Variants in SLC17A6 observed in about 807,000 individuals in gnomAD.
SLC17A6 encodes solute carrier family 17 member 6, also known as vesicular glutamate transporter 2.
SLC17A6 carries 35 observed loss-of-function variants against 67.1 expected under a neutral mutation model. That is an observed-to-expected ratio of 0.52 (90% CI 0.40 to 0.69). The LOEUF (loss-of-function observed/expected upper bound fraction) is 0.69. Ranked by LOEUF, SLC17A6 falls within the 30% of genes least tolerant of loss-of-function variation. The pLI is 0.00. For missense variants in SLC17A6, 588 were observed against 723.9 expected, an observed-to-expected ratio of 0.81 and a Z score of 2.15; for synonymous variants, 285 against 252.3, an observed-to-expected ratio of 1.13 and a Z score of -1.23.
chr11:22,352,405 T>C (rs79330667), intron 3 of SLC17A6, among the ~76,000 whole-genome samples: 4,004 of 152,338 alleles, frequency 0.026, 75 homozygotes, highest in Non-Finnish European at 0.042. Flanking sequence ...AGTCTGTCCC[T>C]ATTAAAAGCT....
rs368833975 is a variant in SLC17A6, at chr11:22,343,208, T to C, written c.340-39T>C. On this transcript the variant is annotated intron_variant, in intron 2 of 11. Transcript: ENST00000263160. Reference sequence around the variant, plus strand: ...GAAAGTGAGCCTTTGGTACTGACTCTACTCTTTCCCTTCACACTTTTTTCC... The same window carrying C: ...GAAAGTGAGCCTTTGGTACTGACTCCACTCTTTCCCTTCACACTTTTTTCC... 5 of 1,535,246 alleles carry C rather than the reference T, an allele frequency of 3.3e-6. No individual in the cohort carries two copies. The African/African-American group carries it at 6.8e-5, about 21-fold the overall frequency.
intron 3 of SLC17A6, among the ~76,000 whole-genome samples, chr11:22,346,520 G>A (rs911800430): frequency 6.6e-6 from 1 of 152,078 alleles, no homozygotes; most frequent in Non-Finnish European, 1.5e-5. Context: ...CCCTTAAAGA[G>A]CTATTGCACA....
At chr11:22,358,735 T>C (rs2133868636) in intron 3 of SLC17A6, among the ~76,000 whole-genome samples, 1 of 152,270 alleles carries the variant, frequency 6.6e-6, no homozygotes, top group Admixed American at 6.5e-5. Context: ...CTTGAATGGT[T>C]GTATGTAGGC....
chr11:22,362,125 A>T (rs2133870658), intron 5 of SLC17A6: 1 of 246,436 alleles, frequency 4.1e-6, no homozygotes, highest in East Asian at 1.3e-4. Context: ...AATGCTACCT[A>T]TTATCATGAG....
At chr11:22,350,718 A>G (rs1855928327) in intron 3 of SLC17A6, among the ~76,000 whole-genome samples, 1 of 152,162 alleles carries the variant, frequency 6.6e-6, no homozygotes, top group Admixed American at 6.6e-5. Context: ...TCACACCAGA[A>G]GTGGGTTTTA....
Position 22,365,567 on chromosome 11 carries a change from T to A in SLC17A6, c.769T>A (p.Tyr257Asn), listed in dbSNP as rs1448000417. 3.7e-6 allele frequency: 6 copies of A among 1,613,902 alleles called. No individual in the cohort carries two copies. Among genetic ancestry groups the A allele is most frequent in the Non-Finnish European group, 5.1e-6 (6 of 1,179,902 alleles). The change falls in exon 7 of 12, where the codon TAC (tyrosine) becomes AAC (asparagine). Residue 257 changes from tyrosine to asparagine, a missense_variant. Transcript: ENST00000263160. ...TGCAGGAAGCTTTGGAATGGTCTGG[T>A]ACATGTTTTGGCTTTTGGTGTCTTA... Reference protein sequence around the residue: ...YVYGSFGMVWYMFWLLVSYES... With the variant: ...YVYGSFGMVWNMFWLLVSYES...
chr11:22,355,775 G>A (rs1201618598), intron 3 of SLC17A6, among the ~76,000 whole-genome samples: 1 of 152,144 alleles, frequency 6.6e-6, no homozygotes, highest in Non-Finnish European at 1.5e-5. Flanking sequence ...CATTTGTGAA[G>A]CTTTGCTGAG....
chr11:22,374,891 A>G lies in SLC17A6; in HGVS notation c.1174+4A>G. ...AGAAAGATCATGAATTGTGGTGGTAAGTACATAAGTGGCACTAAGGACATG... is the reference window on the plus strand; with the variant it reads ...AGAAAGATCATGAATTGTGGTGGTAGGTACATAAGTGGCACTAAGGACATG... On this transcript the variant is annotated splice_donor_region_variant and intron_variant, in intron 9 of 11. Coordinates refer to ENST00000263160, the MANE Select transcript of SLC17A6 (RefSeq NM_020346.3). 1 of 1,609,466 alleles carries G rather than the reference A, an allele frequency of 6.2e-7. No individual in the cohort carries two copies. Among genetic ancestry groups the G allele is most frequent in the Non-Finnish European group, 8.5e-7 (1 of 1,178,466 alleles).
rs60420630 is a variant in SLC17A6 at position 22,339,180 on chromosome 11, T to TA, written c.86+561_86+562insA. On this transcript the variant is annotated intron_variant, in intron 1 of 11. Transcript: ENST00000263160. ...ATATATATATGTTATATATATATGT[T>TA]TTATATATATATATATATATATATG... Among the ~76,000 whole-genome samples, 13 of 32,138 alleles carry TA rather than the reference T, an allele frequency of 4.0e-4. 1 individual carries two copies. The East Asian group carries it at 0.017, about 41-fold the overall frequency. 21.1% of individuals were successfully genotyped at this position (32,138 alleles called of 152,430 possible).
chr11:22,340,330 T>C (rs1374566939), intron 1 of SLC17A6, among the ~76,000 whole-genome samples: 3 of 152,276 alleles, frequency 2.0e-5, no homozygotes, highest in Admixed American at 6.5e-5. Flanking sequence ...TGTTACCTTA[T>C]ACATTCCTTT....
chr11:22,362,348 G>T, intron 5 of SLC17A6: 1 of 336,944 alleles, frequency 3.0e-6, no homozygotes. Flanking sequence ...ACATGAAACT[G>T]CACGAATTTG....
At chr11:22,364,699 G>A (rs368889308) in intron 6 of SLC17A6, among the ~76,000 whole-genome samples, 12 of 152,156 alleles carry the variant, frequency 7.9e-5, no homozygotes, top group African/African-American at 2.9e-4. Flanking sequence ...TTACCCAAGG[G>A]ACAAACAGAA....
intron 1 of SLC17A6, among the ~76,000 whole-genome samples, chr11:22,340,446 C>G (rs560793360): frequency 4.6e-5 from 7 of 152,280 alleles, no homozygotes; most frequent in Non-Finnish European, 7.4e-5. Context: ...TTTCATTTGT[C>G]CCTTCTCCCA....
chr11:22,344,091 C>T (rs1321268126), intron 3 of SLC17A6, among the ~76,000 whole-genome samples: 1 of 152,096 alleles, frequency 6.6e-6, no homozygotes, highest in East Asian at 1.9e-4. Flanking sequence ...GCTTGGCCAC[C>T]AGAAGGTGAG....
chr11:22,339,622 A>G (rs1470737892), intron 1 of SLC17A6, among the ~76,000 whole-genome samples: 1 of 152,222 alleles, frequency 6.6e-6, no homozygotes, highest in Non-Finnish European at 1.5e-5. Flanking sequence ...ATAAAAGGAA[A>G]AAGAATTACA....
chr11:22,339,168 A>T (rs866705272), intron 1 of SLC17A6, among the ~76,000 whole-genome samples: 1,797 of 58,838 alleles, frequency 0.031, 199 homozygotes, highest in Non-Finnish European at 0.033. Flanking sequence ...TATATATGTT[A>T]TATATATATG....
At chr11:22,374,257 T>C (rs1393603885) in intron 8 of SLC17A6, among the ~76,000 whole-genome samples, 1 of 152,180 alleles carries the variant, frequency 6.6e-6, no homozygotes, top group Non-Finnish European at 1.5e-5. Flanking sequence ...GAAGAAATTA[T>C]CTGCATTACC....
rs1054415099 is a variant in SLC17A6, at chr11:22,343,168, G to C, written c.340-79G>C. On this transcript the variant is annotated intron_variant, in intron 2 of 11. Transcript: ENST00000263160. ...AGCGCCCAAGCCTTGGGGGCTTTTT[G>C]GCTTGTGAACCACTGAAAGTGAGCC... 5.9e-6 allele frequency: 7 copies of C among 1,188,482 alleles called. No individual in the cohort carries two copies. In the African/African-American group the frequency reaches 7.6e-5, roughly 13 times the overall value. 73.6% of individuals were successfully genotyped at this position (1,188,482 alleles called of 1,614,324 possible).
intron 7 of SLC17A6, among the ~76,000 whole-genome samples, chr11:22,366,083 C>A (rs1856108890): frequency 6.6e-6 from 1 of 152,088 alleles, no homozygotes; most frequent in Admixed American, 6.6e-5. Flanking sequence ...CCCCCGCATC[C>A]TGAACAGATC....
Sources: gnomAD v4.1 joint callset for allele counts (sites outside exome capture counted in the v4.1 genomes callset) on GRCh38, gnomAD v4.1.1 for gene constraint, MANE v1.5 for transcripts, NCBI Gene and HGNC (gene_info 2026-07-23, HGNC 2026-07-21) for gene names.